Variants in CHL1 observed in about 807,000 individuals in gnomAD.
CHL1 encodes the protein neural cell adhesion molecule L1-like protein.
In CHL1, 96 loss-of-function variants were observed where a neutral mutation model predicts 141.9. The observed-to-expected ratio is 0.68, with a 90% CI of 0.57 to 0.80. The LOEUF (loss-of-function observed/expected upper bound fraction) is 0.80. CHL1 is among the 30% of genes least tolerant of loss of function. The pLI is 0.00. For synonymous variants in CHL1, 613 were observed against 502.2 expected (o/e 1.22, Z -2.95); for missense variants, 1,820 against 1,457.2 (o/e 1.25, Z -4.05).
intron 1 of CHL1, among the ~76,000 whole-genome samples, chr3:198,993 G>C (rs1006033): frequency 0.39 from 58,813 of 152,138 alleles, 13,450 homozygotes; most frequent in East Asian, 0.57. Context: ...GTTTATCCCA[G>C]AGTTTTTCTT....
At chr3:293,482 G>T (rs1378911996) in intron 2 of CHL1, among the ~76,000 whole-genome samples, 3 of 152,008 alleles carry the variant, frequency 2.0e-5, no homozygotes, top group Admixed American at 6.6e-5. Flanking sequence ...TCCAGCCTGG[G>T]CCACAGAGTG....
intron 2 of CHL1, among the ~76,000 whole-genome samples, chr3:288,694 C>T (rs759376230): frequency 2.0e-5 from 3 of 152,256 alleles, no homozygotes; most frequent in East Asian, 3.9e-4. Context: ...ATGGCATGGG[C>T]GGGATGCGCT....
intron 9 of CHL1, 30 bp downstream of exon 9, chr3:344,739 T>A (rs144289787): frequency 1.2e-6 from 2 of 1,610,062 alleles, no homozygotes; most frequent in East Asian, 2.2e-5. Context: ...CTCATGACTT[T>A]GTCCATCCAG....
chr3:366,157 T>C (rs756015552), intron 15 of CHL1, 42 bp downstream of exon 15: 1 of 1,571,306 alleles, frequency 6.4e-7, no homozygotes, highest in Non-Finnish European at 8.7e-7. Context: ...TTGCTTGGGG[T>C]AAACAACTTG....
At chr3:197,789 C>T (rs768370642) in intron 1 of CHL1, 8 of 456,052 alleles carry the variant, frequency 1.8e-5, no homozygotes, top group South Asian at 1.1e-4. Context: ...GTTGCCATGG[C>T]TCCTGGTAGC....
At chr3:266,151 A>T (rs1309523545) in intron 2 of CHL1, among the ~76,000 whole-genome samples, 1 of 152,044 alleles carries the variant, frequency 6.6e-6, no homozygotes, top group Non-Finnish European at 1.5e-5. Flanking sequence ...TTGCACTTTG[A>T]AGGATTTGGT....
chr3:229,908 G>A (rs549148579), intron 1 of CHL1, among the ~76,000 whole-genome samples: 8 of 152,070 alleles, frequency 5.3e-5, no homozygotes, highest in South Asian at 4.2e-4. Context: ...CTCTCCCTCC[G>A]GAGCACATGG....
chr3:399,445 T>G (rs535971270), intron 26 of CHL1, among the ~76,000 whole-genome samples: 33 of 152,068 alleles, frequency 2.2e-4, no homozygotes, highest in South Asian at 6.2e-4. Context: ...ATCGAGACCA[T>G]CCTGGCCAAC....
Position 237,791 on chromosome 3 carries a change from C to T in CHL1, c.-174-6822C>T, listed in dbSNP as rs1432615307. Among the ~76,000 whole-genome samples the T allele has an allele frequency of 7.2e-5, 11 of 151,836 alleles. No individual in the cohort carries two copies. In the East Asian group the frequency reaches 1.9e-3, roughly 27 times the overall value. Reference sequence around the variant, plus strand: ...CATCTGACATATAATCTGTCTTCAACTGATATTAGAAAAAAATCACATATG... The same window carrying T: ...CATCTGACATATAATCTGTCTTCAATTGATATTAGAAAAAAATCACATATG... On this transcript the variant is annotated intron_variant, in intron 1 of 27. Transcript: ENST00000256509.
chr3:393,846 A>G (rs950068214), intron 23 of CHL1, among the ~76,000 whole-genome samples: 3 of 151,826 alleles, frequency 2.0e-5, no homozygotes, highest in African/African-American at 7.3e-5. Context: ...TTTTCTTTTC[A>G]TTGATTTGAA....
At chr3:262,736 G>C (rs77961431) in intron 2 of CHL1, among the ~76,000 whole-genome samples, 5,037 of 152,306 alleles carry the variant, frequency 0.033, 119 homozygotes, top group Non-Finnish European at 0.049. Flanking sequence ...TGCCAAAGCA[G>C]AACTAGTCTT....
chr3:363,127 G>A (rs1704449716), intron 13 of CHL1, 90 bp from the exon 14 acceptor site: 3 of 1,081,822 alleles, frequency 2.8e-6, no homozygotes, highest in South Asian at 3.2e-5. Context: ...ATTGAAAGGG[G>A]ATTAGCCTGA....
intron 19 of CHL1, 86 bp downstream of exon 19, chr3:383,972 A>T (rs76483606): frequency 2.4e-6 from 2 of 824,086 alleles, no homozygotes; most frequent in Non-Finnish European, 3.9e-6. Context: ...ATAGCACAAC[A>T]TTTTTTTAAG....
chr3:324,419 G>A (rs1293893873), intron 3 of CHL1, among the ~76,000 whole-genome samples: 1 of 151,976 alleles, frequency 6.6e-6, no homozygotes, highest in Non-Finnish European at 1.5e-5. Flanking sequence ...CTAAAACTGG[G>A]ATGTCTCCTT....
At chr3:345,788 T>C (rs1385311649) in intron 9 of CHL1, among the ~76,000 whole-genome samples, 9 of 152,192 alleles carry the variant, frequency 5.9e-5, no homozygotes, top group Admixed American at 5.9e-4. Flanking sequence ...CAGCCCGCAA[T>C]GCACCTTTTT....
chr3:309,981 G>A (rs1314223742), intron 2 of CHL1, among the ~76,000 whole-genome samples: 1 of 152,040 alleles, frequency 6.6e-6, no homozygotes, highest in Non-Finnish European at 1.5e-5. Context: ...GAAAATAAGG[G>A]ACAGACCTTT....
intron 2 of CHL1, among the ~76,000 whole-genome samples, chr3:248,757 G>T (rs537304054): frequency 1.7e-3 from 263 of 152,126 alleles, no homozygotes; most frequent in African/African-American, 6.1e-3. Context: ...CTACTGCATT[G>T]CAGAGAAAAG....
At chr3:337,941 T>TCTC (rs546566170) in intron 5 of CHL1, among the ~76,000 whole-genome samples, 1 of 152,052 alleles carries the variant, frequency 6.6e-6, no homozygotes, top group Non-Finnish European at 1.5e-5. Context: ...CCCTGAGGAA[T>TCTC]AACACTGTCT....
At chr3:299,641 A>T (rs1186754567) in intron 2 of CHL1, among the ~76,000 whole-genome samples, 1 of 152,170 alleles carries the variant, frequency 6.6e-6, no homozygotes, top group Non-Finnish European at 1.5e-5. Context: ...AGCTAGTTAG[A>T]TACTATGTTG....
Sources: gnomAD v4.1 joint callset for allele counts (sites outside exome capture counted in the v4.1 genomes callset) on GRCh38, gnomAD v4.1.1 for gene constraint, MANE v1.5 for transcripts, NCBI Gene and HGNC (gene_info 2026-07-23, HGNC 2026-07-21) for gene names.